MYT1: variants seen among roughly 807,000 people sequenced by gnomAD.
The protein encoded by MYT1 is myelin transcription factor 1, also known as myelin transcription factor I.
In MYT1, 23 loss-of-function variants were observed where a neutral mutation model predicts 123.0. That is an observed-to-expected ratio of 0.19 (90% CI 0.13 to 0.26). The LOEUF (loss-of-function observed/expected upper bound fraction) is 0.26. MYT1 is among the 10% of genes least tolerant of loss of function. The pLI is 1.00. For synonymous variants in MYT1, 518 were observed against 575.3 expected (o/e 0.90, Z 1.43); for missense variants, 1,125 against 1,472.5 (o/e 0.76, Z 3.86).
rs778515576 is a variant in MYT1, at chr20:64,240,482, A to G, written c.*34A>G. On this transcript the variant is annotated 3_prime_UTR_variant, in exon 23 of 23. Coordinates refer to ENST00000328439, the MANE Select transcript of MYT1 (RefSeq NM_004535.3). ...GTACCCAGAAGTGTCCCAGCCCACCACACCGTTTACCTCCCTCGCCCTGCC... is the reference window on the plus strand; with the variant it reads ...GTACCCAGAAGTGTCCCAGCCCACCGCACCGTTTACCTCCCTCGCCCTGCC... 1.7e-5 allele frequency: 28 copies of G among 1,601,482 alleles called. 2 individuals carry two copies. In the South Asian group the frequency reaches 3.0e-4, roughly 17 times the overall value.
In MYT1 at chr20:64,223,108, C is replaced by T; in HGVS notation, c.2397-3C>T. On this transcript the variant is annotated splice_polypyrimidine_tract_variant and splice_region_variant and intron_variant, in intron 14 of 22. Coordinates refer to ENST00000328439, the MANE Select transcript of MYT1 (RefSeq NM_004535.3). The stretch of plus-strand genomic sequence containing the variant: ...GGTCTGACACTCTTTTTCCTTTGTC[C>T]AGCTGTCCCACCCCTGGCTGTGACG... The T allele has an allele frequency of 1.2e-6, 2 of 1,614,174 alleles. No individual in the cohort carries two copies. The highest frequency in any genetic ancestry group is 1.7e-6 in the Non-Finnish European group (2 of 1,180,012).
At position 64,217,228 on chromosome 20, in the gene MYT1, G is replaced by T; in HGVS notation, c.1793G>T (p.Arg598Leu). The change falls in exon 11 of 23, where the codon CGC (arginine) becomes CTC (leucine). Residue 598 changes from arginine to leucine, a missense_variant. Transcript: ENST00000328439. ...ASFDAQVFGK[R>L]MLAPKIQTSE... ...TTCGATGCTCAGGTTTTTGGCAAAC[G>T]CATGCTTGCCCCAAAGATTCAGACC... is the stretch of plus-strand genomic sequence containing the variant. 6.2e-7 allele frequency: 1 copy of T among 1,614,232 alleles called. No homozygotes were observed. Among genetic ancestry groups the T allele is most frequent in the Non-Finnish European group, 8.5e-7 (1 of 1,180,038 alleles).
intron 10 of MYT1, among the ~76,000 whole-genome samples, chr20:64,215,660 C>A (rs1304206269): frequency 1.3e-5 from 2 of 151,932 alleles, no homozygotes; most frequent in African/African-American, 4.8e-5. Flanking sequence ...TCATAACTCA[C>A]TATAACCTCA....
chr20:64,181,990 C>T (rs1982665398), intron 1 of MYT1, among the ~76,000 whole-genome samples: 1 of 152,096 alleles, frequency 6.6e-6, no homozygotes, highest in African/African-American at 2.4e-5. Context: ...GGGCTGTGGT[C>T]CCCCAGGAGT....
At position 64,240,752 on chromosome 20, in the gene MYT1, G is replaced by C. The variant is rs569747475; in HGVS notation, c.*304G>C. ...GTCTCCAGTGGAAGCTCATGGACAA[G>C]GTTCTCAGGGAAGTTTTGGAGTTTG... On this transcript the variant is annotated 3_prime_UTR_variant, in exon 23 of 23. Coordinates refer to ENST00000328439, the MANE Select transcript of MYT1 (RefSeq NM_004535.3). 6.2e-4 allele frequency: 186 copies of C among 300,028 alleles called. 1 individual carries two copies. Among genetic ancestry groups the C allele is most frequent in the Middle Eastern group, 4.0e-3 (4 of 998 alleles). The allele number at this position is 300,028 out of a possible 1,614,324, so 18.6% of individuals were successfully genotyped here. A position where few individuals can be genotyped will look rare whatever the true frequency, so the allele number is the denominator to read the frequency against.
chr20:64,228,968 G>A (rs943641237), intron 18 of MYT1, among the ~76,000 whole-genome samples: 1 of 152,202 alleles, frequency 6.6e-6, no homozygotes, highest in African/African-American at 2.4e-5. Context: ...CAGACCTCAC[G>A]CCCGGGGAGG....
chr20:64,198,060 C>T (rs1051155576), intron 2 of MYT1, among the ~76,000 whole-genome samples: 29 of 151,978 alleles, frequency 1.9e-4, no homozygotes, highest in Non-Finnish European at 3.4e-4. Context: ...CCGAGACGGG[C>T]GGATCACGAG....
intron 13 of MYT1, 92 bp downstream of exon 13, chr20:64,220,074 C>A: frequency 7.1e-7 from 1 of 1,404,924 alleles, no homozygotes; most frequent in Non-Finnish European, 9.3e-7. Context: ...AAGGAAGCTT[C>A]TCCTCACAGG....
At position 64,168,727 on chromosome 20, in the gene MYT1, G is replaced by C. The variant is rs1247897715; in HGVS notation, c.-99+3988G>C. On this transcript the variant is annotated intron_variant, in intron 1 of 22. Coordinates refer to ENST00000328439, the MANE Select transcript of MYT1 (RefSeq NM_004535.3). This position sits in a 1 kb window ranked among gnomAD's most constrained non-coding sequence, Gnocchi z 6.1. ...TTGGATATGTTCCCTGTGCCTTGGG[G>C]TTTATTTGGGACTGTGGCCTGGGAG... Among the ~76,000 whole-genome samples, 1 of 152,218 alleles carries C rather than the reference G, an allele frequency of 6.6e-6. No individual in the cohort carries two copies. The highest frequency in any genetic ancestry group is 1.5e-5 in the Non-Finnish European group (1 of 68,046).
In MYT1 at chr20:64,231,319, C is replaced by A. The variant is rs1984313754; in HGVS notation, c.2676-845C>A. On this transcript the variant is annotated intron_variant, in intron 18 of 22. Coordinates refer to ENST00000328439, the MANE Select transcript of MYT1 (RefSeq NM_004535.3). This position sits in a 1 kb window ranked among gnomAD's most constrained non-coding sequence, Gnocchi z 6.4. ...CAGCTCCCCAAGTCCTGGTCCAGGT[C>A]CTTCCCTGAGGCAGTGGGGACAGAC... Among the ~76,000 whole-genome samples the A allele has an allele frequency of 6.6e-6, 1 of 152,206 alleles. No homozygotes were observed. Among genetic ancestry groups the A allele is most frequent in the Admixed American group, 6.5e-5 (1 of 15,284 alleles).
chr20:64,197,310 G>A (rs1983153493), intron 2 of MYT1, among the ~76,000 whole-genome samples: 1 of 152,150 alleles, frequency 6.6e-6, no homozygotes, highest in Admixed American at 6.5e-5. Flanking sequence ...ACTAATTGGG[G>A]GAATTCCTTT....
chr20:64,218,957 T>G lies in MYT1; in HGVS notation c.1893T>G (p.Thr631=). 1 of 1,613,792 alleles carries G rather than the reference T, an allele frequency of 6.2e-7. No homozygotes were observed. The highest frequency in any genetic ancestry group is 8.5e-7 in the Non-Finnish European group (1 of 1,180,024). The change falls in exon 12 of 23, where the codon ACT becomes ACG. Residue 631 remains threonine, a synonymous_variant. Transcript: ENST00000328439. This position sits in a 1 kb window ranked among gnomAD's most constrained non-coding sequence, Gnocchi z 4.0. ...QDAEAAHMAA[T]AILNLSTRCW... is the part of the protein sequence containing the mutation. ...CCGAGGCTGCACACATGGCTGCCAC[T>G]GCCATCCTGAACCTCTCCACGCGCT...
rs1453235875 is a variant in MYT1, at chr20:64,218,510, C to A, written c.1847-401C>A. Among the ~76,000 whole-genome samples, 2 of 152,202 alleles carry A rather than the reference C, an allele frequency of 1.3e-5. No homozygotes were observed. Among genetic ancestry groups the A allele is most frequent in the East Asian group, 3.8e-4 (2 of 5,198 alleles). The stretch of plus-strand genomic sequence containing the variant: ...AAACACTCATCCTATTCACAGAATG[C>A]TTCAGTTTCTGATAGACAAGTTATT... On this transcript the variant is annotated intron_variant, in intron 11 of 22. Coordinates refer to ENST00000328439, the MANE Select transcript of MYT1 (RefSeq NM_004535.3). The surrounding 1 kb of genome is among the most constrained non-coding windows in gnomAD (Gnocchi z 4.0).
chr20:64,173,783 T>TCTC (rs769141841), intron 1 of MYT1, among the ~76,000 whole-genome samples: 12 of 16,678 alleles, frequency 7.2e-4, no homozygotes, highest in African/African-American at 1.2e-3. Flanking sequence ...CTCCCTGGCT[T>TCTC]CTCCTGCAGC....
At chr20:64,205,514 C>T (rs2145714834) in intron 5 of MYT1, 39 bp from the exon 6 acceptor site, 9 of 1,607,604 alleles carry the variant, frequency 5.6e-6, no homozygotes, top group Non-Finnish European at 7.6e-6. Context: ...TCTCGTGGCC[C>T]TAGCCTGGTC....
At chr20:64,195,154 C>A (rs1267060820) in intron 2 of MYT1, among the ~76,000 whole-genome samples, 1 of 151,222 alleles carries the variant, frequency 6.6e-6, no homozygotes, top group African/African-American at 2.4e-5. Flanking sequence ...ATGCCCGGCC[C>A]TGTTTCTGGG....
chr20:64,211,606 G>A (rs1339662680), intron 8 of MYT1, among the ~76,000 whole-genome samples: 1 of 152,254 alleles, frequency 6.6e-6, no homozygotes, highest in East Asian at 1.9e-4. Flanking sequence ...GTAACAGATC[G>A]ATGGGAGGGG....
At chr20:64,188,745 G>A (rs1982884189) in intron 1 of MYT1, among the ~76,000 whole-genome samples, 1 of 152,210 alleles carries the variant, frequency 6.6e-6, no homozygotes, top group African/African-American at 2.4e-5. Context: ...GTGGCAGATG[G>A]GAACCCAGGA....
intron 4 of MYT1, among the ~76,000 whole-genome samples, chr20:64,201,356 T>C (rs77423384): frequency 0.037 from 5,656 of 152,308 alleles, 325 homozygotes; most frequent in African/African-American, 0.12. Flanking sequence ...TGGTCTCAAC[T>C]GACATATTTG....
Sources: gnomAD v4.1 joint callset for allele counts (sites outside exome capture counted in the v4.1 genomes callset) on GRCh38, gnomAD v4.1.1 for gene constraint, Gnocchi (gnomAD v3.1) non-coding constraint, MANE v1.5 for transcripts, NCBI Gene and HGNC (gene_info 2026-07-23, HGNC 2026-07-21) for gene names.